The following SMIM40 variants were observed in gnomAD, a reference collection of about 807,000 sequenced individuals.
SMIM40 encodes small integral membrane protein 40.
intron 1 of SMIM40, among the ~76,000 whole-genome samples, chr6:33,324,839 C>G (rs1368759901): frequency 8.4e-6 from 1 of 118,746 alleles, no homozygotes; most frequent in Non-Finnish European, 1.6e-5. Context: ...AAGCCGAGAT[C>G]GCGTCATTGC....
intron 1 of SMIM40, among the ~76,000 whole-genome samples, chr6:33,325,170 C>A (rs1771090227): frequency 6.7e-6 from 1 of 149,276 alleles, no homozygotes; most frequent in Non-Finnish European, 1.5e-5. Flanking sequence ...AGTTTGAGAC[C>A]AGCCTGGCCA....
intron 1 of SMIM40, among the ~76,000 whole-genome samples, chr6:33,328,503 A>G (rs1299374184): frequency 6.6e-6 from 1 of 151,982 alleles, no homozygotes; most frequent in Non-Finnish European, 1.5e-5. Context: ...ATTTTAATTT[A>G]TGATGAAAAT....
chr6:33,328,376 C>T (rs1206603229), intron 1 of SMIM40, among the ~76,000 whole-genome samples: 1 of 150,834 alleles, frequency 6.6e-6, no homozygotes, highest in African/African-American at 2.4e-5. Flanking sequence ...TTTTAGTAGA[C>T]ATGGGGTTTC....
intron 1 of SMIM40, among the ~76,000 whole-genome samples, chr6:33,326,472 G>C (rs1238779654): frequency 6.8e-6 from 1 of 147,962 alleles, no homozygotes; most frequent in Non-Finnish European, 1.5e-5. Flanking sequence ...CACCGTGCCC[G>C]GCCATCACTA....
chr6:33,326,105 A>G (rs1046499202), intron 1 of SMIM40, among the ~76,000 whole-genome samples: 3 of 149,434 alleles, frequency 2.0e-5, no homozygotes, highest in Non-Finnish European at 2.9e-5. Flanking sequence ...AGCTCAAGGA[A>G]AAAAGAGGTG....
At chr6:33,328,754 C>T (rs1037345433) in intron 1 of SMIM40, among the ~76,000 whole-genome samples, 6 of 151,752 alleles carry the variant, frequency 4.0e-5, no homozygotes, top group East Asian at 3.9e-4. Context: ...GGGGCGGTGG[C>T]GCATGCCTGT....
chr6:33,323,771 C>A lies in SMIM40; in HGVS notation c.*193G>T, dbSNP rs1770951270. On this transcript the variant is annotated 3_prime_UTR_variant, in exon 3 of 3. Coordinates refer to ENST00000494082, the MANE Select transcript of SMIM40 (RefSeq NM_001369203.1). The stretch of plus-strand genomic sequence containing the variant: ...GGGCCGTCTGTGCTGACCAGGTGGC[C>A]GTGCTTTGTCGTGGGAGGCCTAGGG... 6.6e-6 allele frequency: 1 copy of A among 152,344 alleles called. No homozygotes were observed. Among genetic ancestry groups the A allele is most frequent in the Non-Finnish European group, 1.5e-5 (1 of 68,094 alleles). 9.4% of individuals were successfully genotyped at this position (152,344 alleles called of 1,614,324 possible).
chr6:33,326,094 G>C (rs950305136), intron 1 of SMIM40, among the ~76,000 whole-genome samples: 2 of 149,054 alleles, frequency 1.3e-5, no homozygotes, highest in Non-Finnish European at 2.9e-5. Context: ...GTAGTAGTAG[G>C]AGCTCAAGGA....
chr6:33,329,103 GC>G lies in SMIM40; in HGVS notation c.162del (p.Leu55CysfsTer9). ...TLLMLEAAYK[L>X]LWLLLWAKLG... is the part of the protein sequence containing the mutation. ...AACTTTGCCCATAGTAGTAACCACA[GC>G]AGCTTATAAGCAGCCTCCAGCATCA... On this transcript the variant is annotated frameshift_variant, in exon 1 of 3. Transcript: ENST00000494082. LOFTEE classifies it high-confidence loss of function. The G allele has an allele frequency of 2.5e-6, 1 of 398,880 alleles. No individual in the cohort carries two copies. The allele number at this position is 398,880 out of a possible 1,614,324, so 24.7% of individuals were successfully genotyped here.
intron 1 of SMIM40, among the ~76,000 whole-genome samples, chr6:33,324,850 A>G (rs1771053371): frequency 8.4e-6 from 1 of 119,010 alleles, no homozygotes; most frequent in African/African-American, 3.2e-5. Flanking sequence ...GCGTCATTGC[A>G]CTCCAGCCTG....
At chr6:33,326,076 G>A (rs1771152527) in intron 1 of SMIM40, among the ~76,000 whole-genome samples, 1 of 149,418 alleles carries the variant, frequency 6.7e-6, no homozygotes, top group South Asian at 2.1e-4. Context: ...AGTTTGTGGG[G>A]AAGTGGAGTA....
At position 33,325,529 on chromosome 6, in the gene SMIM40, C is replaced by A. The variant is rs1581802360; in HGVS notation, c.*40-1499G>T. ...CAGACTACTATCTTATTAAATATTT[C>A]TTTTTAACAGTTATAAAAATGTTTA... On this transcript the variant is annotated intron_variant, in intron 1 of 2. Transcript: ENST00000494082. Among the ~76,000 whole-genome samples the A allele has an allele frequency of 1.3e-5, 2 of 148,298 alleles. 1 individual carries two copies. The highest frequency in any genetic ancestry group is 5.2e-5 in the African/African-American group (2 of 38,232).
At chr6:33,328,364 AT>A (rs1339638450) in intron 1 of SMIM40, among the ~76,000 whole-genome samples, 1 of 150,486 alleles carries the variant, frequency 6.6e-6, no homozygotes, top group African/African-American at 2.4e-5. Context: ...TAATTTTTGT[AT>A]TTTTAGTAGA....
intron 1 of SMIM40, among the ~76,000 whole-genome samples, chr6:33,324,849 C>T (rs547687195): frequency 4.2e-5 from 5 of 119,788 alleles, no homozygotes; most frequent in Non-Finnish European, 8.0e-5. Flanking sequence ...CGCGTCATTG[C>T]ACTCCAGCCT....
rs1313963157 is a variant in SMIM40, at chr6:33,325,334, C to G, written c.*40-1304G>C. On this transcript the variant is annotated intron_variant, in intron 1 of 2. Transcript: ENST00000494082. ...GTGAGCTGAGATCAGCCACTGCACT[C>G]CAGCCTGGCGACAGAGCAAGACTCT... 1.4e-5 allele frequency among the ~76,000 whole-genome samples: 2 copies of G among 139,854 alleles called. 1 individual carries two copies. Among genetic ancestry groups the G allele is most frequent in the Admixed American group, 1.4e-4 (2 of 13,794 alleles). The allele number at this position is 139,854 out of a possible 152,430, so 91.7% of individuals were successfully genotyped here.
intron 1 of SMIM40, among the ~76,000 whole-genome samples, chr6:33,328,390 A>C (rs1771345688): frequency 6.6e-6 from 1 of 151,270 alleles, no homozygotes. Context: ...GGGTTTCACC[A>C]TATTTGCCAG....
chr6:33,326,015 G>A (rs1362913519), intron 1 of SMIM40, among the ~76,000 whole-genome samples: 1 of 149,584 alleles, frequency 6.7e-6, no homozygotes, highest in African/African-American at 2.6e-5. Flanking sequence ...TGTATATGCA[G>A]GAAGATGTAA....
chr6:33,326,763 G>A (rs1771206200), intron 1 of SMIM40, among the ~76,000 whole-genome samples: 1 of 148,790 alleles, frequency 6.7e-6, no homozygotes, highest in Non-Finnish European at 1.5e-5. Context: ...GGCAAAAGTT[G>A]CAGTGAGCCA....
rs183711792 is a variant in SMIM40, at chr6:33,327,308, G to A, written c.*39+1679C>T. ...GTGGTGGCTCGCGCCTTTAGTCCCA[G>A]CTACTTGGGAAGCTGAGGCAGAAGA... On this transcript the variant is annotated intron_variant, in intron 1 of 2. Coordinates refer to ENST00000494082, the MANE Select transcript of SMIM40 (RefSeq NM_001369203.1). 7.0e-3 allele frequency among the ~76,000 whole-genome samples: 1,050 copies of A among 149,828 alleles called. 21 individuals carry two copies. The highest frequency in any genetic ancestry group is 0.041 in the Middle Eastern group (12 of 294).
Sources: allele counts gnomAD v4.1 joint callset (sites outside exome capture counted in the v4.1 genomes callset), GRCh38; gene constraint gnomAD v4.1.1; transcripts MANE v1.5; gene names NCBI Gene and HGNC (gene_info 2026-07-23, HGNC 2026-07-21).